Variants in L3MBTL4 observed in about 807,000 individuals in gnomAD.
L3MBTL4 encodes lethal(3)malignant brain tumor-like protein 4.
A neutral mutation model predicts 84.5 loss-of-function variants in L3MBTL4; 70 were observed. That is an observed-to-expected ratio of 0.83 (90% CI 0.68 to 1.01). L3MBTL4 has a LOEUF of 1.01. L3MBTL4 is among the 50% of genes least tolerant of loss of function. The probability of loss-of-function intolerance (pLI) is 0.00; values close to 1 mark genes in which losing one functional copy is unlikely to be tolerated. For missense variants in L3MBTL4, 715 were observed against 754.8 expected (o/e 0.95, Z 0.62); for synonymous variants, 274 against 259.8 (o/e 1.05, Z -0.52).
chr18:6,367,929 T>TA (rs2054002989), intron 1 of L3MBTL4, among the ~76,000 whole-genome samples: 1 of 152,170 alleles, frequency 6.6e-6, no homozygotes, highest in African/African-American at 2.4e-5. Context: ...GAAAGTTCTA[T>TA]AAGTTACAGT....
intron 1 of L3MBTL4, among the ~76,000 whole-genome samples, chr18:6,321,818 G>A (rs1326911350): frequency 6.6e-6 from 1 of 151,982 alleles, no homozygotes; most frequent in East Asian, 1.9e-4. Flanking sequence ...AGTACCACAT[G>A]TTCTCACTTA....
chr18:6,005,370 T>C (rs1024056988), intron 16 of L3MBTL4, among the ~76,000 whole-genome samples: 5 of 115,630 alleles, frequency 4.3e-5, no homozygotes, highest in African/African-American at 1.2e-4. Flanking sequence ...AAGGAGCACA[T>C]GTACGGGTTT....
intron 12 of L3MBTL4, among the ~76,000 whole-genome samples, chr18:6,192,743 A>AG (rs2045177122): frequency 6.6e-6 from 1 of 152,132 alleles, no homozygotes; most frequent in Non-Finnish European, 1.5e-5. Context: ...AGGACCAGTC[A>AG]GGGGACTGTG....
chr18:6,243,469 T>C lies in L3MBTL4; in HGVS notation c.325-40A>G, dbSNP rs1219636915. 7 of 1,528,826 alleles carry C rather than the reference T, an allele frequency of 4.6e-6. No homozygotes were observed. The African/African-American group carries it at 6.9e-5, about 15-fold the overall frequency. 94.7% of individuals were successfully genotyped at this position (1,528,826 alleles called of 1,614,324 possible). On this transcript the variant is annotated intron_variant, in intron 6 of 18. Coordinates refer to ENST00000317931, the MANE Select transcript of L3MBTL4 (RefSeq NM_001330559.2). ...GTTTACAATCATTCGTTAAGTGTCA[T>C]ATATTTGGAGTAGACACAAAATTCA...
chr18:6,096,911 C>G (rs1333524421), intron 14 of L3MBTL4, among the ~76,000 whole-genome samples: 1 of 152,210 alleles, frequency 6.6e-6, no homozygotes, highest in Non-Finnish European at 1.5e-5. Flanking sequence ...AGCTTAGAAA[C>G]TGCAGGCTGA....
chr18:6,308,689 C>G (rs79323419), intron 3 of L3MBTL4, among the ~76,000 whole-genome samples: 1 of 152,044 alleles, frequency 6.6e-6, no homozygotes, highest in Non-Finnish European at 1.5e-5. Flanking sequence ...GCAGAATGTG[C>G]GCCCATTTGG....
At chr18:5,986,826 A>G (rs554238) in intron 16 of L3MBTL4, among the ~76,000 whole-genome samples, 32,833 of 152,252 alleles carry the variant, frequency 0.22, 6,329 homozygotes, top group African/African-American at 0.51. Context: ...TCATCCAGAC[A>G]TCTGACTTCC....
intron 1 of L3MBTL4, among the ~76,000 whole-genome samples, chr18:6,333,863 G>A (rs1483632974): frequency 6.6e-6 from 1 of 152,142 alleles, no homozygotes; most frequent in Non-Finnish European, 1.5e-5. Flanking sequence ...GCCAATAAGT[G>A]CACTGAACTC....
At chr18:6,340,579 A>C (rs1344721793) in intron 1 of L3MBTL4, among the ~76,000 whole-genome samples, 1 of 152,180 alleles carries the variant, frequency 6.6e-6, no homozygotes, top group African/African-American at 2.4e-5. Context: ...AGAGCATGGC[A>C]AAGGGGCAGG....
At chr18:6,383,011 CCAG>C (rs2054660856) in intron 1 of L3MBTL4, among the ~76,000 whole-genome samples, 1 of 152,126 alleles carries the variant, frequency 6.6e-6, no homozygotes, top group Non-Finnish European at 1.5e-5. Flanking sequence ...GATGCCCTGC[CCAG>C]AGAGGAGAAA....
chr18:6,284,948 T>C (rs184918204), intron 4 of L3MBTL4, among the ~76,000 whole-genome samples: 3 of 152,276 alleles, frequency 2.0e-5, no homozygotes, highest in Non-Finnish European at 2.9e-5. Context: ...CCTCAGAGCC[T>C]GGCAGGGCAG....
intron 1 of L3MBTL4, among the ~76,000 whole-genome samples, chr18:6,406,267 G>A (rs1466624562): frequency 6.6e-6 from 1 of 152,188 alleles, no homozygotes; most frequent in African/African-American, 2.4e-5. Flanking sequence ...AACTGCTATT[G>A]ATAATTTTAT....
At chr18:6,210,662 A>G (rs1283255358) in intron 12 of L3MBTL4, among the ~76,000 whole-genome samples, 2 of 152,200 alleles carry the variant, frequency 1.3e-5, no homozygotes, top group African/African-American at 4.8e-5. Flanking sequence ...TGCCATGACC[A>G]CCATAGGCAT....
chr18:6,351,837 A>C (rs200294913), intron 1 of L3MBTL4, among the ~76,000 whole-genome samples: 4 of 151,684 alleles, frequency 2.6e-5, no homozygotes, highest in South Asian at 2.1e-4. Context: ...AGGCGTGAGC[A>C]ACCGCGCCCA....
intron 14 of L3MBTL4, among the ~76,000 whole-genome samples, chr18:6,115,061 G>T (rs1457672309): frequency 6.8e-6 from 1 of 147,492 alleles, no homozygotes; most frequent in Non-Finnish European, 1.5e-5. Flanking sequence ...ACAGTGACAG[G>T]CTCTTCAGCA....
At chr18:6,228,699 G>A (rs529712153) in intron 10 of L3MBTL4, among the ~76,000 whole-genome samples, 1 of 152,186 alleles carries the variant, frequency 6.6e-6, no homozygotes, top group East Asian at 1.9e-4. Context: ...CACACTTACA[G>A]AAAAGCTGTA....
intron 17 of L3MBTL4, among the ~76,000 whole-genome samples, chr18:5,965,349 G>C (rs1179317620): frequency 6.6e-6 from 1 of 152,226 alleles, no homozygotes; most frequent in African/African-American, 2.4e-5. Flanking sequence ...CCCAGGCCAG[G>C]AAGGCAGATA....
intron 18 of L3MBTL4, 137 bp downstream of exon 18, chr18:5,959,957 A>T (rs2095254036): frequency 4.3e-6 from 1 of 232,710 alleles, no homozygotes; most frequent in African/African-American, 2.3e-5. Flanking sequence ...ACTTATTTAC[A>T]CTTAAGTAAA....
At chr18:6,037,715 T>A (rs1172517224) in intron 16 of L3MBTL4, among the ~76,000 whole-genome samples, 1 of 152,242 alleles carries the variant, frequency 6.6e-6, no homozygotes, top group Admixed American at 6.5e-5. Flanking sequence ...TGTGTAACTA[T>A]AGCCAACATA....
Sources: allele counts gnomAD v4.1 joint callset (sites outside exome capture counted in the v4.1 genomes callset), GRCh38; gene constraint gnomAD v4.1.1; transcripts MANE v1.5; gene names NCBI Gene and HGNC (gene_info 2026-07-23, HGNC 2026-07-21).